TANC1: variants seen among roughly 807,000 people sequenced by gnomAD.
TANC1 encodes tetratricopeptide repeat, ankyrin repeat and coiled-coil containing 1.
Under a neutral mutation model 149.7 loss-of-function variants are expected in TANC1, and 77 were observed. The observed-to-expected ratio is 0.51, with a 90% CI of 0.43 to 0.62. TANC1 has a LOEUF of 0.62. TANC1 is among the 20% of genes least tolerant of loss of function. The pLI is 0.00. For synonymous variants in TANC1, 854 were observed against 925.0 expected (o/e 0.92, Z 1.39); for missense variants, 1,985 against 2,321.8 (o/e 0.85, Z 2.98).
chr2:159,139,001 T>G (rs2051074959), intron 5 of TANC1, among the ~76,000 whole-genome samples: 4 of 152,254 alleles, frequency 2.6e-5, no homozygotes. Flanking sequence ...GATGCACGTT[T>G]TAGCCTTCTG....
At chr2:159,228,080 C>T in intron 25 of TANC1, 115 bp downstream of exon 25, 1 of 1,172,634 alleles carries the variant, frequency 8.5e-7, no homozygotes, top group Non-Finnish European at 1.2e-6. Context: ...AATTTGCTTG[C>T]ACATTTACAT....
rs559926731 is a variant in TANC1, at chr2:159,183,927, T to C, written c.2511-1864T>C. ...CCTCCCATTGCTTAGAGCTTCTCAATGGAAGCACCTTGCATTGTTCCCCCA... is the reference window on the plus strand; with the variant it reads ...CCTCCCATTGCTTAGAGCTTCTCAACGGAAGCACCTTGCATTGTTCCCCCA... On this transcript the variant is annotated intron_variant, in intron 14 of 26. Transcript: ENST00000263635. Among the ~76,000 whole-genome samples the C allele has an allele frequency of 2.6e-5, 4 of 152,274 alleles. No individual in the cohort carries two copies. In the East Asian group the frequency reaches 5.8e-4, roughly 22 times the overall value.
chr2:159,164,253 T>G (rs2054350205), intron 8 of TANC1, among the ~76,000 whole-genome samples: 1 of 152,018 alleles, frequency 6.6e-6, no homozygotes, highest in South Asian at 2.1e-4. Flanking sequence ...GGAGCAGAAA[T>G]ACCCAAGGAA....
intron 2 of TANC1, among the ~76,000 whole-genome samples, chr2:159,027,689 ATTT>A (rs1321649527): frequency 6.6e-6 from 1 of 152,060 alleles, no homozygotes; most frequent in Non-Finnish European, 1.5e-5. Context: ...CCACTTCCAC[ATTT>A]TCAGCTATCT....
intron 2 of TANC1, among the ~76,000 whole-genome samples, chr2:159,047,196 C>G (rs993523288): frequency 8.6e-5 from 13 of 151,056 alleles, no homozygotes; most frequent in Admixed American, 4.0e-4. Context: ...TTTCCCCCCC[C>G]CAGTTATTGC....
rs1002001361 is a variant in TANC1 at position 159,046,105 on chromosome 2, GT to G, written c.-15-19781del. On this transcript the variant is annotated intron_variant, in intron 2 of 26. Transcript: ENST00000263635. ...AGGAAATTTATTTAGAAAGTTGTGGGTTTTTTTTTTCCCCCTTCAGTTTTCG... is the reference window on the plus strand; with the variant it reads ...AGGAAATTTATTTAGAAAGTTGTGGGTTTTTTTTTCCCCCTTCAGTTTTCG... 5.2e-4 allele frequency among the ~76,000 whole-genome samples: 77 copies of G among 148,872 alleles called. 1 individual carries two copies. Among genetic ancestry groups the G allele is most frequent in the Admixed American group, 1.3e-3 (19 of 14,888 alleles).
At position 159,179,096 on chromosome 2, in the gene TANC1, C is replaced by A. The variant is rs761921873; in HGVS notation, c.2443C>A (p.Pro815Thr). The A allele has an allele frequency of 4.3e-6, 7 of 1,613,770 alleles. No individual in the cohort carries two copies. In the South Asian group the frequency reaches 7.7e-5, roughly 18 times the overall value. ...RRDKTRMFCH[P>T]SFREWLVWRA... ...AGACAAAACCCGCATGTTCTGCCAC[C>A]CGTCCTTCAGGGAGTGGCTTGTATG... The change falls in exon 14 of 27, where the codon CCG becomes ACG. Residue 815 changes from proline to threonine, a missense_variant. Around this residue, in one of 3 missense-constraint regions of TANC1, gnomAD observed 508 missense variants for 714.2 expected, o/e 0.71. Coordinates refer to ENST00000263635, the MANE Select transcript of TANC1 (RefSeq NM_033394.3).
At chr2:159,095,804 A>T (rs890658639) in intron 3 of TANC1, among the ~76,000 whole-genome samples, 1 of 150,196 alleles carries the variant, frequency 6.7e-6, no homozygotes, top group Admixed American at 6.6e-5. Flanking sequence ...CATATGTCCT[A>T]TATGGAGGGG....
intron 2 of TANC1, among the ~76,000 whole-genome samples, chr2:159,030,453 G>A (rs2039689112): frequency 2.0e-5 from 3 of 152,208 alleles, no homozygotes; most frequent in African/African-American, 4.8e-5. Flanking sequence ...TCTTTTAGAA[G>A]ATGACTTGAT....
At chr2:158,992,633 G>T (rs544872622) in intron 1 of TANC1, among the ~76,000 whole-genome samples, 16 of 150,298 alleles carry the variant, frequency 1.1e-4, no homozygotes, top group Non-Finnish European at 1.3e-4. Context: ...CTCCTGAGTA[G>T]CTGGGACTAC....
chr2:159,073,249 T>C (rs1399135489), intron 3 of TANC1, among the ~76,000 whole-genome samples: 1 of 152,160 alleles, frequency 6.6e-6, no homozygotes, highest in Non-Finnish European at 1.5e-5. Flanking sequence ...TTTAGGGAAA[T>C]ATAAAGGATG....
chr2:159,199,078 G>A (rs574700917), intron 19 of TANC1, 25 bp downstream of exon 19: 1 of 1,575,540 alleles, frequency 6.3e-7, no homozygotes, highest in African/African-American at 1.3e-5. Context: ...ACTGCTTGTA[G>A]TCTGGGGCAG....
chr2:158,971,822 A>G (rs1443833688), intron 1 of TANC1, among the ~76,000 whole-genome samples: 2 of 152,232 alleles, frequency 1.3e-5, no homozygotes, highest in Non-Finnish European at 2.9e-5. Context: ...TTATTTGAAT[A>G]AACCAAGGCC....
intron 2 of TANC1, among the ~76,000 whole-genome samples, chr2:159,039,056 A>G (rs1328279029): frequency 1.2e-4 from 18 of 152,046 alleles, no homozygotes; most frequent in Admixed American, 1.2e-3. Context: ...CAGGGACTCA[A>G]CTTCTTCCTG....
At chr2:159,213,409 G>A (rs950511326) in intron 19 of TANC1, among the ~76,000 whole-genome samples, 1 of 151,668 alleles carries the variant, frequency 6.6e-6, no homozygotes, top group Non-Finnish European at 1.5e-5. Context: ...AACATTTTAG[G>A]TATGGGAACC....
At chr2:159,071,309 T>C (rs147455773) in intron 3 of TANC1, among the ~76,000 whole-genome samples, 1 of 152,334 alleles carries the variant, frequency 6.6e-6, no homozygotes, top group East Asian at 1.9e-4. Context: ...AAAAACTGTT[T>C]ATGTTAAGTC....
intron 2 of TANC1, among the ~76,000 whole-genome samples, chr2:159,039,111 C>T (rs1192291400): frequency 6.6e-6 from 1 of 152,120 alleles, no homozygotes; most frequent in Non-Finnish European, 1.5e-5. Context: ...TTACCCATTT[C>T]TTCTAGATTT....
At chr2:159,007,232 C>T (rs182980124) in intron 2 of TANC1, among the ~76,000 whole-genome samples, 11 of 151,206 alleles carry the variant, frequency 7.3e-5, no homozygotes, top group Admixed American at 3.3e-4. Flanking sequence ...CCGCAACCAC[C>T]GCCTCCCTGG....
intron 3 of TANC1, among the ~76,000 whole-genome samples, chr2:159,074,206 G>A (rs1234985925): frequency 1.3e-5 from 2 of 152,204 alleles, no homozygotes; most frequent in African/African-American, 4.8e-5. Flanking sequence ...GGTGACCACA[G>A]TGCAGTGGGT....
Sources: gnomAD v4.1 joint callset for allele counts (sites outside exome capture counted in the v4.1 genomes callset) on GRCh38, gnomAD v4.1.1 for gene constraint, gnomAD v4.1.1 regional missense constraint, MANE v1.5 for transcripts, NCBI Gene and HGNC (gene_info 2026-07-23, HGNC 2026-07-21) for gene names.